Variants in PPP2R5C observed in about 807,000 individuals in gnomAD.
The protein encoded by PPP2R5C is protein phosphatase 2 regulatory subunit B'gamma, also known as serine/threonine-protein phosphatase 2A 56 kDa regulatory subunit gamma isoform.
PPP2R5C carries 7 observed loss-of-function variants against 68.9 expected under a neutral mutation model. The ratio of observed to expected loss-of-function variants is 0.10; its 90% CI spans 0.06 to 0.19. PPP2R5C has a LOEUF of 0.19. Among genes scored for constraint, PPP2R5C ranks in the 10% least tolerant of loss-of-function variants. The pLI, the probability that PPP2R5C is intolerant of heterozygous loss-of-function variation, is 1.00. For missense variants in PPP2R5C, 348 were observed against 641.3 expected (o/e 0.54, Z 4.94); for synonymous variants, 210 against 222.2 (o/e 0.95, Z 0.49).
chr14:101,901,002 G>C (rs2045654917), intron 8 of PPP2R5C, among the ~76,000 whole-genome samples: 1 of 152,360 alleles, frequency 6.6e-6, no homozygotes, highest in South Asian at 2.1e-4. Context: ...GTGGATGTGA[G>C]TTAATAAGGT....
At chr14:101,786,251 T>C (rs2140068726) in intron 3 of PPP2R5C, 68 bp downstream of exon 3, 2 of 1,342,498 alleles carry the variant, frequency 1.5e-6, no homozygotes, top group East Asian at 2.6e-5. Context: ...GTTTTGATAG[T>C]GTGCTAATTT....
At chr14:101,787,636 G>A (rs1051997698) in intron 3 of PPP2R5C, among the ~76,000 whole-genome samples, 11 of 151,968 alleles carry the variant, frequency 7.2e-5, no homozygotes, top group East Asian at 2.0e-4. Flanking sequence ...GCGTGGTGGC[G>A]GGCGCCTGTA....
intron 1 of PPP2R5C, among the ~76,000 whole-genome samples, chr14:101,827,882 C>T (rs1372711956): frequency 1.3e-5 from 2 of 152,168 alleles, no homozygotes; most frequent in African/African-American, 4.8e-5. Context: ...CTGAAATTGT[C>T]TTCTTGTTCC....
chr14:101,919,638 G>A (rs2046898124), intron 13 of PPP2R5C, among the ~76,000 whole-genome samples: 1 of 152,152 alleles, frequency 6.6e-6, no homozygotes, highest in South Asian at 2.1e-4. Context: ...GTGGCCACGT[G>A]TTCATTTTTA....
At chr14:101,866,729 G>A (rs1037355079) in intron 2 of PPP2R5C, among the ~76,000 whole-genome samples, 2 of 152,100 alleles carry the variant, frequency 1.3e-5, no homozygotes, top group African/African-American at 2.4e-5. Context: ...GTTAATAGTA[G>A]GTGTCTTTGG....
At chr14:101,863,905 A>G (rs2042908334) in intron 2 of PPP2R5C, among the ~76,000 whole-genome samples, 1 of 152,166 alleles carries the variant, frequency 6.6e-6, no homozygotes, top group Non-Finnish European at 1.5e-5. Flanking sequence ...GTCTCAAAAA[A>G]AAAGAAATGC....
At chr14:101,814,401 CA>C (rs2039539664) in intron 1 of PPP2R5C, among the ~76,000 whole-genome samples, 1 of 152,100 alleles carries the variant, frequency 6.6e-6, no homozygotes, top group Non-Finnish European at 1.5e-5. Context: ...GGAAGGTAAC[CA>C]AAGTAACAGA....
chr14:101,854,168 G>A (rs1191505801), intron 1 of PPP2R5C, among the ~76,000 whole-genome samples: 2 of 152,182 alleles, frequency 1.3e-5, no homozygotes, highest in African/African-American at 4.8e-5. Flanking sequence ...AGAGTATTTA[G>A]GAATAAAATT....
intron 1 of PPP2R5C, among the ~76,000 whole-genome samples, chr14:101,853,207 A>C (rs913903638): frequency 6.6e-6 from 1 of 152,154 alleles, no homozygotes; most frequent in Non-Finnish European, 1.5e-5. Flanking sequence ...GCAGTTTTTT[A>C]CTTTTTTACC....
chr14:101,841,070 A>C (rs1326199927), intron 1 of PPP2R5C, among the ~76,000 whole-genome samples: 1 of 152,222 alleles, frequency 6.6e-6, no homozygotes, highest in East Asian at 1.9e-4. Flanking sequence ...TAAGCACTGT[A>C]CATCTCTTAA....
intron 5 of PPP2R5C, among the ~76,000 whole-genome samples, chr14:101,887,273 C>T (rs1336624471): frequency 6.6e-6 from 1 of 152,232 alleles, no homozygotes; most frequent in East Asian, 1.9e-4. Context: ...CCTTCTCTTG[C>T]TGCATAACCA....
intron 2 of PPP2R5C, among the ~76,000 whole-genome samples, chr14:101,868,180 A>G (rs1161462764): frequency 2.0e-5 from 3 of 152,226 alleles, no homozygotes; most frequent in African/African-American, 4.8e-5. Context: ...ACATTGACCA[A>G]TGGAGTTGCA....
intron 11 of PPP2R5C, among the ~76,000 whole-genome samples, chr14:101,911,300 GT>G (rs1244896150): frequency 2.0e-5 from 3 of 152,290 alleles, no homozygotes; most frequent in Non-Finnish European, 2.9e-5. Flanking sequence ...CCCTTTTGGG[GT>G]TTATATTCTG....
chr14:101,887,531 T>G (rs2044608254), intron 5 of PPP2R5C, among the ~76,000 whole-genome samples: 1 of 152,210 alleles, frequency 6.6e-6, no homozygotes, highest in Admixed American at 6.5e-5. Flanking sequence ...CCGTGGCGTG[T>G]GCTGGGGCTG....
intron 1 of PPP2R5C, 99 bp from the exon 2 acceptor site, chr14:101,762,806 G>C (rs1254162919): frequency 1.1e-5 from 10 of 938,652 alleles, no homozygotes; most frequent in African/African-American, 1.7e-5. Flanking sequence ...ATCAGAAGCT[G>C]TAGTTGTATA....
At chr14:101,836,383 G>C (rs753776970) in intron 1 of PPP2R5C, 1 of 701,944 alleles carries the variant, frequency 1.4e-6, no homozygotes, top group East Asian at 2.7e-5. Flanking sequence ...CTCTACTCCC[G>C]ACCTGCCAAC....
chr14:101,817,276 A>G (rs1333221763), intron 1 of PPP2R5C, among the ~76,000 whole-genome samples: 1 of 152,236 alleles, frequency 6.6e-6, no homozygotes, highest in Non-Finnish European at 1.5e-5. Flanking sequence ...TTTTTAAAAA[A>G]TAAGGCTGTT....
At position 101,923,380 on chromosome 14, in the gene PPP2R5C, C is replaced by T. The variant is rs553109791; in HGVS notation, c.1444-1761C>T. Reference sequence around the variant, plus strand: ...TTTCTTCTCTTTGGAGTGCCTATTTCAGCTGTAATTACATATTTCAAGTAT... The same window carrying T: ...TTTCTTCTCTTTGGAGTGCCTATTTTAGCTGTAATTACATATTTCAAGTAT... On this transcript the variant is annotated intron_variant, in intron 13 of 13. Transcript: ENST00000334743. Among the ~76,000 whole-genome samples the T allele has an allele frequency of 7.9e-5, 12 of 152,292 alleles. No homozygotes were observed. The East Asian group carries it at 2.3e-3, about 29-fold the overall frequency.
chr14:101,911,516 C>G (rs546057760), intron 11 of PPP2R5C, among the ~76,000 whole-genome samples: 10 of 152,220 alleles, frequency 6.6e-5, no homozygotes, highest in African/African-American at 1.9e-4. Context: ...GATGGCAGAT[C>G]CTCCTCTCGT....
Sources: allele counts gnomAD v4.1 joint callset (sites outside exome capture counted in the v4.1 genomes callset), GRCh38; gene constraint gnomAD v4.1.1; transcripts MANE v1.5; gene names NCBI Gene and HGNC (gene_info 2026-07-23, HGNC 2026-07-21).